The following NBAS variants were observed in gnomAD, a reference collection of about 807,000 sequenced individuals.
NBAS encodes the protein NAG/BC035112 fusion.
NBAS carries 219 observed loss-of-function variants against 302.5 expected under a neutral mutation model. The ratio of observed to expected loss-of-function variants is 0.72; its 90% CI spans 0.65 to 0.81. The LOEUF is 0.81. Among genes scored for constraint, NBAS ranks in the 30% least tolerant of loss-of-function variants. The pLI is 0.00. For missense variants in NBAS, 2,932 were observed against 2,841.6 expected, an observed-to-expected ratio of 1.03 and a Z score of -0.72; for synonymous variants, 1,118 against 1,021.6, an observed-to-expected ratio of 1.09 and a Z score of -1.80.
intron 26 of NBAS, among the ~76,000 whole-genome samples, chr2:15,398,961 T>C (rs1239825576): frequency 1.3e-5 from 2 of 152,182 alleles, no homozygotes; most frequent in Non-Finnish European, 2.9e-5. Flanking sequence ...TATGTATACA[T>C]GAGAGGCATT....
the NBAS span, among the ~76,000 whole-genome samples, chr2:14,997,052 A>T: frequency 6.7e-6 from 1 of 148,800 alleles, no homozygotes; most frequent in African/African-American, 2.5e-5. Flanking sequence ...TTTCTTTTAT[A>T]AAAAAAAAAT....
chr2:15,420,598 A>T (rs936729956), intron 23 of NBAS, among the ~76,000 whole-genome samples: 9 of 152,172 alleles, frequency 5.9e-5, no homozygotes, highest in Non-Finnish European at 1.3e-4. Flanking sequence ...AAGCCAGAGA[A>T]AACAGACAGC....
Position 15,442,796 on chromosome 2 carries a change from C to T in NBAS, c.2340-15002G>A, listed in dbSNP as rs544478163. 6.7e-3 allele frequency among the ~76,000 whole-genome samples: 1,017 copies of T among 151,058 alleles called. 5 individuals are homozygous for T. The highest frequency in any genetic ancestry group is 0.012 in the Non-Finnish European group (794 of 67,678). On this transcript the variant is annotated intron_variant, in intron 21 of 51. Transcript: ENST00000281513. ...AAAAAAGAGAGAAGAATCAAATAGA[C>T]GCAATAAAAAATGATAAAGGGGATA...
At chr2:15,418,008 T>C (rs1677031092) in intron 23 of NBAS, among the ~76,000 whole-genome samples, 1 of 152,180 alleles carries the variant, frequency 6.6e-6, no homozygotes, top group African/African-American at 2.4e-5. Context: ...CATATTTCTT[T>C]TAATTCTTAC....
intron 12 of NBAS, among the ~76,000 whole-genome samples, chr2:15,482,670 G>GT (rs1680476988): frequency 6.9e-6 from 1 of 144,022 alleles, no homozygotes; most frequent in Non-Finnish European, 1.5e-5. Context: ...GCAAAGAAAG[G>GT]TAAGAAGTTC....
the NBAS span, among the ~76,000 whole-genome samples, chr2:14,819,553 T>G: frequency 6.6e-6 from 1 of 152,136 alleles, no homozygotes; most frequent in Non-Finnish European, 1.5e-5. Flanking sequence ...CAGAAGTAAA[T>G]GAGAGGATTT....
At chr2:15,198,626 A>G (rs1237080496) in intron 48 of NBAS, among the ~76,000 whole-genome samples, 1 of 152,182 alleles carries the variant, frequency 6.6e-6, no homozygotes, top group Non-Finnish European at 1.5e-5. Context: ...GTATGTTCCA[A>G]AGGTTGAAAA....
At chr2:15,450,709 C>CA (rs898347731) in intron 21 of NBAS, among the ~76,000 whole-genome samples, 7 of 152,266 alleles carry the variant, frequency 4.6e-5, no homozygotes, top group African/African-American at 1.7e-4. Flanking sequence ...ATATGACTCA[C>CA]ACATTTTTGC....
chr2:15,289,068 T>C (rs1670186633), intron 41 of NBAS, among the ~76,000 whole-genome samples: 1 of 152,206 alleles, frequency 6.6e-6, no homozygotes, highest in Non-Finnish European at 1.5e-5. Flanking sequence ...TTAGCAATTC[T>C]TATTTTTTAT....
chr2:15,473,299 C>A lies in NBAS; in HGVS notation c.1648G>T (p.Gly550Cys), dbSNP rs571873632. The A allele has an allele frequency of 6.2e-5, 100 of 1,614,032 alleles. No homozygotes were observed. In the East Asian group the frequency reaches 1.6e-3, roughly 26 times the overall value. Residue 550 changes from glycine (G) to cysteine (C), a missense_variant, in exon 16 of 52, where the codon GGC (glycine) becomes TGC (cysteine). Coordinates refer to ENST00000281513, the MANE Select transcript of NBAS (RefSeq NM_015909.4). ...TGATATACAAGGTCAGTATCCAGGC[C>A]GTAGGTATGAGCCAAGGACAAGGCT... is the stretch of plus-strand genomic sequence containing the variant. ...EEALSLAHTY[G>C]LDTDLVYQRQ...
chr2:15,202,240 GCTTTACA>G (rs1665911246), intron 48 of NBAS, among the ~76,000 whole-genome samples: 1 of 152,126 alleles, frequency 6.6e-6, no homozygotes, highest in Non-Finnish European at 1.5e-5. Flanking sequence ...TCAGAACCAT[GCTTTACA>G]GCACCCTACT....
the NBAS span, among the ~76,000 whole-genome samples, chr2:14,833,312 GT>G: frequency 2.6e-5 from 4 of 152,202 alleles, no homozygotes; most frequent in South Asian, 6.2e-4. Flanking sequence ...CCAGGGCAGG[GT>G]TGGGGGGTTC....
chr2:14,842,385 G>A, the NBAS span, among the ~76,000 whole-genome samples: 144 of 151,794 alleles, frequency 9.5e-4, no homozygotes, highest in African/African-American at 3.4e-3. Flanking sequence ...ATGAAAAGTT[G>A]GTTTTTGAAA....
the NBAS span, among the ~76,000 whole-genome samples, chr2:15,021,638 G>A: frequency 8.3e-6 from 1 of 120,314 alleles, no homozygotes; most frequent in Admixed American, 9.2e-5. Flanking sequence ...GGCCCTGACT[G>A]AAGGGGCATG....
chr2:15,238,285 G>C (rs1368040411), intron 45 of NBAS, among the ~76,000 whole-genome samples, 183 bp downstream of exon 45: 1 of 152,132 alleles, frequency 6.6e-6, no homozygotes, highest in East Asian at 1.9e-4. Flanking sequence ...CATTTTGAAA[G>C]AAGTGGAAAC....
the NBAS span, among the ~76,000 whole-genome samples, chr2:15,083,798 G>C: frequency 6.6e-6 from 1 of 152,186 alleles, no homozygotes; most frequent in Admixed American, 6.5e-5. Context: ...GTAGACAATT[G>C]TGGAGGTAGC....
the NBAS span, among the ~76,000 whole-genome samples, chr2:15,031,975 A>T: frequency 6.6e-6 from 1 of 152,112 alleles, no homozygotes; most frequent in Non-Finnish European, 1.5e-5. Flanking sequence ...ACAAGTCTTG[A>T]GTAACTAACC....
intron 31 of NBAS, among the ~76,000 whole-genome samples, chr2:15,367,250 C>G (rs1335521470): frequency 6.6e-6 from 1 of 151,938 alleles, no homozygotes; most frequent in Non-Finnish European, 1.5e-5. Flanking sequence ...CTGATCAAAC[C>G]AATTCAAACT....
chr2:14,892,783 A>T, the NBAS span, among the ~76,000 whole-genome samples: 1 of 151,860 alleles, frequency 6.6e-6, no homozygotes, highest in African/African-American at 2.4e-5. Context: ...TGTTTGTCAT[A>T]GTGTATTACT....
Sources: gnomAD v4.1 joint callset for allele counts (sites outside exome capture counted in the v4.1 genomes callset) on GRCh38, gnomAD v4.1.1 for gene constraint, MANE v1.5 for transcripts, NCBI Gene and HGNC (gene_info 2026-07-23, HGNC 2026-07-21) for gene names.